PRKCH: variants seen among roughly 807,000 people sequenced by gnomAD.
The protein encoded by PRKCH is protein kinase C eta type.
A neutral mutation model predicts 82.5 loss-of-function variants in PRKCH; 28 were observed. That is an observed-to-expected ratio of 0.34 (90% CI 0.25 to 0.47). The LOEUF is 0.47. Ranked by LOEUF, PRKCH falls within the 20% of genes least tolerant of loss-of-function variation. PRKCH has a pLI of 1.00. For missense variants in PRKCH, 705 were observed against 881.8 expected, an observed-to-expected ratio of 0.80 and a Z score of 2.54; for synonymous variants, 322 against 327.4, an observed-to-expected ratio of 0.98 and a Z score of 0.18.
At chr14:61,288,117 C>G (rs931345612) in intron 1 of PRKCH, among the ~76,000 whole-genome samples, 1 of 152,096 alleles carries the variant, frequency 6.6e-6, no homozygotes, top group African/African-American at 2.4e-5. Context: ...AGAGGGGTGA[C>G]ATCCTTTAGG....
intron 1 of PRKCH, among the ~76,000 whole-genome samples, chr14:61,365,296 T>A (rs1183065369): frequency 6.6e-6 from 1 of 152,072 alleles, no homozygotes; most frequent in Non-Finnish European, 1.5e-5. Flanking sequence ...TTATTTATGA[T>A]GTGGTAAAAA....
rs142755536 is a variant in PRKCH at position 61,208,062 on chromosome 14, A to C, written c.-19+20394A>C. Among the ~76,000 whole-genome samples the C allele has an allele frequency of 8.8e-5, 13 of 147,534 alleles. No individual in the cohort carries two copies. In the East Asian group the frequency reaches 2.4e-3, roughly 27 times the overall value. On this transcript the variant is annotated intron_variant, in intron 1 of 3. Transcript: ENST00000555185. The stretch of plus-strand genomic sequence containing the variant: ...CAAGCGCAAATCAAATGTGATTATG[A>C]AGTGACAACTGATTTTTTTTTTGAA...
intron 2 of PRKCH, among the ~76,000 whole-genome samples, chr14:61,433,215 G>A (rs1883505913): frequency 6.6e-6 from 1 of 152,110 alleles, no homozygotes; most frequent in African/African-American, 2.4e-5. Flanking sequence ...CATGAAGAAG[G>A]CAGCAGAGCT....
chr14:61,402,740 A>C (rs911991887), intron 2 of PRKCH, among the ~76,000 whole-genome samples: 2 of 152,142 alleles, frequency 1.3e-5, no homozygotes, highest in Non-Finnish European at 2.9e-5. Flanking sequence ...CAGAGGTTGC[A>C]GTGAGCCAAT....
At chr14:61,334,071 C>T (rs1301394160) in intron 1 of PRKCH, among the ~76,000 whole-genome samples, 1 of 152,102 alleles carries the variant, frequency 6.6e-6, no homozygotes, top group Non-Finnish European at 1.5e-5. Flanking sequence ...CACAGAGCAG[C>T]CCCCTAGCTA....
At chr14:61,429,491 C>T (rs1366857283) in intron 2 of PRKCH, among the ~76,000 whole-genome samples, 1 of 152,148 alleles carries the variant, frequency 6.6e-6, no homozygotes, top group Non-Finnish European at 1.5e-5. Flanking sequence ...TCAGTCTGTA[C>T]AATAACTGAG....
chr14:61,357,716 G>T (rs1203268872), intron 1 of PRKCH, among the ~76,000 whole-genome samples: 1 of 152,190 alleles, frequency 6.6e-6, no homozygotes, highest in Non-Finnish European at 1.5e-5. Context: ...CTCTAGAAGA[G>T]TTTTTAGCTT....
At chr14:61,428,080 C>T (rs12888209) in intron 2 of PRKCH, among the ~76,000 whole-genome samples, 30 of 53,902 alleles carry the variant, frequency 5.6e-4, no homozygotes, top group Middle Eastern at 0.01. Flanking sequence ...GATAGATACA[C>T]ACACACACAC....
intron 1 of PRKCH, among the ~76,000 whole-genome samples, chr14:61,288,554 C>T (rs776818770): frequency 1.3e-5 from 2 of 150,462 alleles, no homozygotes; most frequent in Non-Finnish European, 2.9e-5. Context: ...TGTAGGGGCC[C>T]CTGACTTTTT....
chr14:61,212,226 A>G (rs2044587412), intron 1 of PRKCH, among the ~76,000 whole-genome samples: 1 of 152,218 alleles, frequency 6.6e-6, no homozygotes, highest in Non-Finnish European at 1.5e-5. Flanking sequence ...AGATGTCATT[A>G]ACTTTGGATC....
chr14:61,247,978 A>C (rs920957138), intron 1 of PRKCH, among the ~76,000 whole-genome samples: 1 of 152,176 alleles, frequency 6.6e-6, no homozygotes. Context: ...AGGATACTCC[A>C]TCAACTTGGA....
chr14:61,391,246 A>C lies in PRKCH; in HGVS notation c.385A>C (p.Lys129Gln), dbSNP rs145021572. 1.9e-5 allele frequency: 30 copies of C among 1,611,130 alleles called. No homozygotes were observed. Among genetic ancestry groups the C allele is most frequent in the Non-Finnish European group, 2.5e-5 (29 of 1,178,834 alleles). The part of the protein sequence containing the change: ...EGWVDLEPEG[K>Q]VFVVITLTGS... ...GTAGGTGGATCTCGAGCCAGAGGGGAAAGTATTTGTGGTAATAACCCTTAC... is the reference window on the plus strand; with the variant it reads ...GTAGGTGGATCTCGAGCCAGAGGGGCAAGTATTTGTGGTAATAACCCTTAC... The change falls in exon 2 of 14, where the codon AAA becomes CAA. Residue 129 changes from lysine to glutamine, a missense_variant. Lys to Gln is a moderately conservative substitution (Grantham distance 53). Coordinates refer to ENST00000332981, the MANE Select transcript of PRKCH (RefSeq NM_006255.5).
Position 61,457,192 on chromosome 14 carries a change from C to G in PRKCH, c.977C>G (p.Ser326Trp). Residue 326 changes from serine (S) to tryptophan (W), a missense_variant, in exon 8 of 14, where the codon TCG (serine) becomes TGG (tryptophan). Ser to Trp is a radical substitution (Grantham distance 177). Transcript: ENST00000332981. ...ISPTSKLVSR[S>W]TLRRQGKESS... is the part of the protein sequence containing the mutation. The stretch of plus-strand genomic sequence containing the variant: ...CTCTTTCAGAAACTCGTTTCCAGAT[C>G]GACCCTAAGACGACAGGGAAAGGAG... 1 of 1,613,922 alleles carries G rather than the reference C, an allele frequency of 6.2e-7. No homozygotes were observed. The highest frequency in any genetic ancestry group is 8.5e-7 in the Non-Finnish European group (1 of 1,179,940).
chr14:61,290,775 A>G (rs2045354278), intron 1 of PRKCH, among the ~76,000 whole-genome samples: 1 of 152,194 alleles, frequency 6.6e-6, no homozygotes, highest in South Asian at 2.1e-4. Context: ...GAGTTACAAG[A>G]TTAAGTATCC....
At chr14:61,548,642 T>C (rs2043289420) in intron 13 of PRKCH, among the ~76,000 whole-genome samples, 1 of 151,966 alleles carries the variant, frequency 6.6e-6, no homozygotes, top group Non-Finnish European at 1.5e-5. Flanking sequence ...GATGGATCAC[T>C]TGAGGTCAGG....
intron 1 of PRKCH, among the ~76,000 whole-genome samples, chr14:61,374,336 C>G (rs565111818): frequency 6.6e-6 from 1 of 152,240 alleles, no homozygotes; most frequent in African/African-American, 2.4e-5. Context: ...GTCAGTGGAT[C>G]TACCATTCTG....
At chr14:61,364,661 AC>A (rs1313741334) in intron 1 of PRKCH, among the ~76,000 whole-genome samples, 1 of 151,722 alleles carries the variant, frequency 6.6e-6, no homozygotes, top group Non-Finnish European at 1.5e-5. Context: ...ACATGGTGAA[AC>A]CCCATCTCTA....
chr14:61,427,198 G>T lies in PRKCH; in HGVS notation c.428-15913G>T, dbSNP rs142059634. 3.5e-3 allele frequency among the ~76,000 whole-genome samples: 532 copies of T among 152,218 alleles called. 7 individuals are homozygous for T. The highest frequency in any genetic ancestry group is 0.011 in the African/African-American group (477 of 41,524). ...GGGAGGGTGCTTATAGGTTACAGGT[G>T]GATTCAAAGATCTGCTTATTGGCAG... On this transcript the variant is annotated intron_variant, in intron 2 of 13. Coordinates refer to ENST00000332981, the MANE Select transcript of PRKCH (RefSeq NM_006255.5).
At chr14:61,508,755 T>C (rs1323903382) in intron 10 of PRKCH, among the ~76,000 whole-genome samples, 2 of 152,128 alleles carry the variant, frequency 1.3e-5, no homozygotes, top group Non-Finnish European at 2.9e-5. Flanking sequence ...ATGAAAAACA[T>C]GGATAAGATG....
Sources: allele counts gnomAD v4.1 joint callset (sites outside exome capture counted in the v4.1 genomes callset), GRCh38; gene constraint gnomAD v4.1.1; transcripts MANE v1.5; gene names NCBI Gene and HGNC (gene_info 2026-07-23, HGNC 2026-07-21).